AZIN2: variants seen among roughly 807,000 people sequenced by gnomAD.
AZIN2 encodes antizyme inhibitor 2.
In AZIN2, 28 loss-of-function variants were observed where a neutral mutation model predicts 47.8. The observed-to-expected ratio is 0.59, with a 90% CI of 0.43 to 0.80. The LOEUF is 0.80. Among genes scored for constraint, AZIN2 ranks in the 30% least tolerant of loss-of-function variants. AZIN2 has a pLI of 0.00. For synonymous variants in AZIN2, 221 were observed against 239.4 expected, an observed-to-expected ratio of 0.92 and a Z score of 0.71; for missense variants, 535 against 582.5, an observed-to-expected ratio of 0.92 and a Z score of 0.84.
the AZIN2 span, chr1:33,146,739 A>G: frequency 5.2e-6 from 1 of 193,162 alleles, no homozygotes; most frequent in Non-Finnish European, 1.1e-5. Context: ...GCCCATCACT[A>G]GCTTGGTCAG....
the AZIN2 span, among the ~76,000 whole-genome samples, chr1:33,155,730 A>C: frequency 6.6e-6 from 1 of 152,206 alleles, no homozygotes; most frequent in Admixed American, 6.5e-5. Flanking sequence ...TCACTTCTCT[A>C]TCCAGGTCTC....
chr1:33,144,231 G>A, the AZIN2 span, among the ~76,000 whole-genome samples: 1 of 149,838 alleles, frequency 6.7e-6, no homozygotes, highest in Admixed American at 6.8e-5. Flanking sequence ...TCCGCCTCCC[G>A]GGTTCAAGAG....
In AZIN2 at chr1:33,110,562, A is replaced by G. The variant is rs145908699; in HGVS notation, c.1030-7340A>G. Among the ~76,000 whole-genome samples, 3 of 152,368 alleles carry G rather than the reference A, an allele frequency of 2.0e-5. No homozygotes were observed. In the East Asian group the frequency reaches 5.8e-4, roughly 29 times the overall value. The stretch of plus-strand genomic sequence containing the variant: ...TGTAGCAGATTTTAAAAAGGATTAA[A>G]TAGAACTAGAAATGAAAAATATGAA... On this transcript the variant is annotated intron_variant, in intron 10 of 11. Coordinates refer to ENST00000294517, the MANE Select transcript of AZIN2 (RefSeq NM_052998.4).
rs1644806194 is a variant in AZIN2 at position 33,122,157 on chromosome 1, G to A, written c.*1975G>A. Among the ~76,000 whole-genome samples the A allele has an allele frequency of 6.6e-6, 1 of 152,222 alleles. No homozygotes were observed. Among genetic ancestry groups the A allele is most frequent in the Non-Finnish European group, 1.5e-5 (1 of 68,040 alleles). The stretch of plus-strand genomic sequence containing the variant: ...CAAGCACTCATACTTCTTTTGCGGA[G>A]AGGGACATAGGTTTTCTGCTGGAAC... On this transcript the variant is annotated 3_prime_UTR_variant, in exon 12 of 12. Coordinates refer to ENST00000294517, the MANE Select transcript of AZIN2 (RefSeq NM_052998.4).
Position 33,120,516 on chromosome 1 carries a change from GT to G in AZIN2, c.*339del. 4.4e-6 allele frequency: 1 copy of G among 229,322 alleles called. No individual in the cohort carries two copies. Among genetic ancestry groups the G allele is most frequent in the Non-Finnish European group, 8.6e-6 (1 of 116,262 alleles). 14.2% of individuals were successfully genotyped at this position (229,322 alleles called of 1,614,324 possible). On this transcript the variant is annotated 3_prime_UTR_variant, in exon 12 of 12. Transcript: ENST00000294517. ...ATAATGCAAATAAATAAATATTTAG[GT>G]TTTTAAAAACTGCAGCGGAATCTGG...
At chr1:33,096,629 A>C in intron 8 of AZIN2, 78 bp from the exon 9 acceptor site, 1 of 1,546,806 alleles carries the variant, frequency 6.5e-7, no homozygotes. Flanking sequence ...CAAGAAATAG[A>C]CTTGGAGCTG....
At chr1:33,151,845 C>T in the AZIN2 span, among the ~76,000 whole-genome samples, 3 of 152,232 alleles carry the variant, frequency 2.0e-5, no homozygotes, top group African/African-American at 4.8e-5. Context: ...GCCCAAGCAG[C>T]GGAGAAAGCC....
chr1:33,109,768 T>A lies in AZIN2; in HGVS notation c.1030-8134T>A, dbSNP rs117777928. On this transcript the variant is annotated intron_variant, in intron 10 of 11. Transcript: ENST00000294517. Reference sequence around the variant, plus strand: ...TAGTGCTTATTACCTTCTAACATACTATATAATTTACTTGTTTGCCTCCCC... The same window carrying A: ...TAGTGCTTATTACCTTCTAACATACAATATAATTTACTTGTTTGCCTCCCC... Among the ~76,000 whole-genome samples, 471 of 152,242 alleles carry A rather than the reference T, an allele frequency of 3.1e-3. 13 individuals are homozygous for A. In the East Asian group the frequency reaches 0.08, roughly 26 times the overall value.
At chr1:33,159,765 T>C in the AZIN2 span, 1 of 1,613,616 alleles carries the variant, frequency 6.2e-7, no homozygotes, top group Non-Finnish European at 8.5e-7. The surrounding 1 kb of genome is among the most constrained non-coding windows in gnomAD (Gnocchi z 4.2). Context: ...GGATCTGGGC[T>C]CCCTCCTGGA....
downstream of AZIN2, among the ~76,000 whole-genome samples, chr1:33,127,353 G>A (rs1358608618): frequency 6.6e-6 from 1 of 152,258 alleles, no homozygotes; most frequent in Non-Finnish European, 1.5e-5. Flanking sequence ...CGAGCCACGC[G>A]ATGTCGCGCC....
the AZIN2 span, among the ~76,000 whole-genome samples, chr1:33,145,227 C>T: frequency 1.3e-5 from 2 of 152,184 alleles, no homozygotes; most frequent in Non-Finnish European, 2.9e-5. Flanking sequence ...GGATATGGGA[C>T]CCCAGGTAAG....
At chr1:33,101,763 T>A in intron 10 of AZIN2, 1 of 717,320 alleles carries the variant, frequency 1.4e-6, no homozygotes, top group Non-Finnish European at 2.6e-6. Context: ...ATTATATTTG[T>A]TTTTTTGCTT....
At chr1:33,155,660 C>T in the AZIN2 span, among the ~76,000 whole-genome samples, 5 of 152,136 alleles carry the variant, frequency 3.3e-5, no homozygotes, top group African/African-American at 1.2e-4. Context: ...CAGCTCTGTG[C>T]CTCCGTTACT....
intron 5 of AZIN2, among the ~76,000 whole-genome samples, chr1:33,086,786 G>C (rs1319447649): frequency 1.3e-5 from 2 of 152,170 alleles, no homozygotes; most frequent in Non-Finnish European, 2.9e-5. Context: ...AAAAGCCTTT[G>C]CTGGGCAGCA....
intron 11 of AZIN2, chr1:33,118,385 C>T: frequency 5.9e-6 from 2 of 337,936 alleles, no homozygotes. Flanking sequence ...AGAGCCCTCC[C>T]TGAGGCCCAG....
the AZIN2 span, chr1:33,165,633 A>C: frequency 7.2e-7 from 1 of 1,389,870 alleles, no homozygotes; most frequent in South Asian, 1.4e-5. The surrounding 1 kb of genome is among the most constrained non-coding windows in gnomAD (Gnocchi z 4.0). Flanking sequence ...AGCCCTGACC[A>C]CTGCCAGGCG....
At chr1:33,155,049 C>T in the AZIN2 span, among the ~76,000 whole-genome samples, 3 of 144,980 alleles carry the variant, frequency 2.1e-5, no homozygotes, top group East Asian at 2.2e-4. Flanking sequence ...GCCGAGATCG[C>T]GCCACTGCAC....
intron 11 of AZIN2, chr1:33,118,916 A>T (rs1179022704): frequency 6.6e-6 from 1 of 151,726 alleles, no homozygotes; most frequent in Non-Finnish European, 1.5e-5. Context: ...CCCACACAAC[A>T]CTCTGTGGGG....
At chr1:33,088,404 A>G (rs999559169) in intron 5 of AZIN2, among the ~76,000 whole-genome samples, 1 of 152,138 alleles carries the variant, frequency 6.6e-6, no homozygotes, top group African/African-American at 2.4e-5. Flanking sequence ...CATCTCCCCC[A>G]GGGCGATGGT....
Sources: allele counts gnomAD v4.1 joint callset (sites outside exome capture counted in the v4.1 genomes callset), GRCh38; gene constraint gnomAD v4.1.1; non-coding constraint Gnocchi (gnomAD v3.1); transcripts MANE v1.5; gene names NCBI Gene and HGNC (gene_info 2026-07-23, HGNC 2026-07-21).